ATAD2B: variants seen among roughly 807,000 people sequenced by gnomAD.
ATAD2B encodes the protein ATPase family AAA domain containing 2B.
In ATAD2B, 40 loss-of-function variants were observed where a neutral mutation model predicts 167.6. The ratio of observed to expected loss-of-function variants is 0.24; its 90% confidence interval spans 0.19 to 0.31. The LOEUF (loss-of-function observed/expected upper bound fraction) is 0.31. ATAD2B is among the 10% of genes least tolerant of loss of function. The pLI is 1.00. For synonymous variants in ATAD2B, 579 were observed against 596.5 expected, an observed-to-expected ratio of 0.97 and a Z score of 0.43; for missense variants, 1,242 against 1,757.2, an observed-to-expected ratio of 0.71 and a Z score of 5.24.
At chr2:23,845,570 ATTTTTTT>A (rs71402518) in intron 13 of ATAD2B, among the ~76,000 whole-genome samples, 52 of 87,678 alleles carry the variant, frequency 5.9e-4, no homozygotes, top group African/African-American at 2.3e-3. Flanking sequence ...GCATGCTGGA[ATTTTTTT>A]TTTTTTTTTT....
chr2:23,711,988 T>C, the ATAD2B span, among the ~76,000 whole-genome samples: 1 of 152,334 alleles, frequency 6.6e-6, no homozygotes, highest in East Asian at 1.9e-4. Context: ...CTCAGAAAAG[T>C]GGCTTGCCCG....
At chr2:23,706,729 A>C in the ATAD2B span, 1 of 1,242,088 alleles carries the variant, frequency 8.1e-7, no homozygotes, top group Non-Finnish European at 1.1e-6. Flanking sequence ...ACGCAATGAT[A>C]ATTTTCCAGC....
At position 23,863,294 on chromosome 2, in the gene ATAD2B, CAG is replaced by C. The variant is rs1415021625; in HGVS notation, c.1479+85_1479+86del. 7 of 1,332,512 alleles carry C rather than the reference CAG, an allele frequency of 5.3e-6. No individual in the cohort carries two copies. The African/African-American group carries it at 7.4e-5, about 14-fold the overall frequency. The allele number at this position is 1,332,512 out of a possible 1,614,324, so 82.5% of individuals were successfully genotyped here. On this transcript the variant is annotated intron_variant, in intron 12 of 27. Transcript: ENST00000238789. ...ATTGCACTCACTCCAGCCTGGGTAACAGAGAGAGGCCCTGTCTCAAAAAAACA... is the reference window on the plus strand; with the variant it reads ...ATTGCACTCACTCCAGCCTGGGTAACAGAGAGGCCCTGTCTCAAAAAAACA...
At chr2:23,770,588 T>C (rs1390701024) in intron 22 of ATAD2B, among the ~76,000 whole-genome samples, 1 of 152,196 alleles carries the variant, frequency 6.6e-6, no homozygotes, top group South Asian at 2.1e-4. Context: ...CAACACTGTC[T>C]ATTGAAATTT....
At chr2:23,855,615 C>T (rs936105901) in intron 13 of ATAD2B, among the ~76,000 whole-genome samples, 5 of 152,200 alleles carry the variant, frequency 3.3e-5, no homozygotes, top group Non-Finnish European at 7.3e-5. Flanking sequence ...GAAAAGAAAA[C>T]ATGTCCACAC....
At chr2:23,813,390 T>C (rs1276880091) in intron 17 of ATAD2B, among the ~76,000 whole-genome samples, 1 of 149,978 alleles carries the variant, frequency 6.7e-6, no homozygotes, top group Non-Finnish European at 1.5e-5. Flanking sequence ...ATAAAATGTA[T>C]AAGAATTTAT....
chr2:23,757,435 G>C lies in ATAD2B; in HGVS notation c.4061C>G (p.Ala1354Gly), dbSNP rs201401857. 3.0e-4 allele frequency: 449 copies of C among 1,499,620 alleles called. 1 individual carries two copies. The highest frequency in any genetic ancestry group is 3.8e-4 in the Non-Finnish European group (434 of 1,128,504). 92.9% of individuals were successfully genotyped at this position (1,499,620 alleles called of 1,614,324 possible). Reference sequence around the variant, plus strand: ...AGCTCTACCTTCTTTATCCAGTTCTGCATCTTTAACCTCCACATCAGAGCC... The same window carrying C: ...AGCTCTACCTTCTTTATCCAGTTCTCCATCTTTAACCTCCACATCAGAGCC... ...EPGSDVEVKD[A>G]ELDKEGASKV... Residue 1354 changes from alanine to glycine, a missense_variant, in exon 25 of 28, where the codon GCA becomes GGA. Coordinates refer to ENST00000238789, the MANE Select transcript of ATAD2B (RefSeq NM_017552.4).
At chr2:23,768,135 GATCT>G (rs2149338139) in intron 22 of ATAD2B, among the ~76,000 whole-genome samples, 1 of 152,206 alleles carries the variant, frequency 6.6e-6, no homozygotes, top group East Asian at 1.9e-4. Flanking sequence ...TTTAAAAATA[GATCT>G]ATTGAAGCAT....
At chr2:23,695,604 T>C in the ATAD2B span, 1 of 1,519,326 alleles carries the variant, frequency 6.6e-7, no homozygotes, top group Non-Finnish European at 8.9e-7. This position sits in a 1 kb window ranked among gnomAD's most constrained non-coding sequence, Gnocchi z 7.6. Flanking sequence ...AAGAAGATTC[T>C]GTCTCCTGTA....
At position 23,864,893 on chromosome 2, in the gene ATAD2B, T is replaced by C; in HGVS notation, c.1220A>G (p.His407Arg). 1.9e-6 allele frequency: 3 copies of C among 1,596,956 alleles called. No homozygotes were observed. Among genetic ancestry groups the C allele is most frequent in the Non-Finnish European group, 2.6e-6 (3 of 1,171,984 alleles). Residue 407 changes from histidine (H) to arginine (R), a missense_variant, in exon 11 of 28, where the codon CAT (histidine) becomes CGT (arginine). His to Arg is a conservative substitution (Grantham distance 29). Transcript: ENST00000238789. ...CATTTCCTTTAGCGCATGAATATGA[T>C]GGCTCAATCCACCTATGCTATCAAA... The part of the protein sequence containing the change: ...VRFDSIGGLS[H>R]HIHALKEMVV...
At chr2:23,720,791 G>A in the ATAD2B span, among the ~76,000 whole-genome samples, 1 of 152,082 alleles carries the variant, frequency 6.6e-6, no homozygotes, top group African/African-American at 2.4e-5. Context: ...TTGGAGAGCT[G>A]CCTGGAATTC....
intron 13 of ATAD2B, among the ~76,000 whole-genome samples, chr2:23,848,417 T>C (rs1326675725): frequency 2.0e-5 from 3 of 152,040 alleles, no homozygotes; most frequent in Non-Finnish European, 4.4e-5. Flanking sequence ...GAGGCAGAGG[T>C]TGCAGTGAGC....
chr2:23,837,136 C>T (rs1247304024), intron 13 of ATAD2B, among the ~76,000 whole-genome samples: 2 of 152,216 alleles, frequency 1.3e-5, no homozygotes, highest in African/African-American at 4.8e-5. Context: ...CCAAGCTCAT[C>T]GGCACCCAAA....
the ATAD2B span, among the ~76,000 whole-genome samples, chr2:23,733,296 T>G: frequency 6.6e-6 from 1 of 152,216 alleles, no homozygotes; most frequent in Non-Finnish European, 1.5e-5. Flanking sequence ...ACTGGAGCAT[T>G]TGATACTGTT....
chr2:23,836,392 G>T (rs1030555643), intron 13 of ATAD2B, among the ~76,000 whole-genome samples: 1 of 152,154 alleles, frequency 6.6e-6, no homozygotes, highest in Non-Finnish European at 1.5e-5. Flanking sequence ...CTGGCTCAGG[G>T]AGCTCCCAGG....
intron 12 of ATAD2B, among the ~76,000 whole-genome samples, chr2:23,862,246 C>T (rs1264273051): frequency 6.6e-6 from 1 of 151,824 alleles, no homozygotes; most frequent in African/African-American, 2.4e-5. Flanking sequence ...AGGACTTTCA[C>T]ACACACCATC....
At chr2:23,737,638 C>T in the ATAD2B span, among the ~76,000 whole-genome samples, 1 of 152,188 alleles carries the variant, frequency 6.6e-6, no homozygotes, top group African/African-American at 2.4e-5. Flanking sequence ...AAAATCAGAG[C>T]ACCTCTCCTC....
chr2:23,796,143 T>C (rs950005667), intron 19 of ATAD2B, among the ~76,000 whole-genome samples: 3 of 152,152 alleles, frequency 2.0e-5, no homozygotes, highest in Non-Finnish European at 4.4e-5. Flanking sequence ...ACTATTAGTA[T>C]AAAACATGTT....
intron 1 of ATAD2B, among the ~76,000 whole-genome samples, chr2:23,903,946 TGG>T (rs1417126587): frequency 2.0e-5 from 3 of 151,906 alleles, no homozygotes; most frequent in Non-Finnish European, 4.4e-5. Flanking sequence ...TTGTTGGTGG[TGG>T]TGGTGGTGGT....
Sources: gnomAD v4.1 joint callset for allele counts (sites outside exome capture counted in the v4.1 genomes callset) on GRCh38, gnomAD v4.1.1 for gene constraint, Gnocchi (gnomAD v3.1) non-coding constraint, MANE v1.5 for transcripts, NCBI Gene and HGNC (gene_info 2026-07-23, HGNC 2026-07-21) for gene names.